The following PRDM16 variants were observed in gnomAD, a reference collection of about 807,000 sequenced individuals.
PRDM16 encodes the protein PR/SET domain 16, also known as histone-lysine N-methyltransferase PRDM16.
PRDM16 carries 23 observed loss-of-function variants against 110.6 expected under a neutral mutation model. The ratio of observed to expected loss-of-function variants is 0.21; its 90% CI spans 0.15 to 0.29. The LOEUF is 0.29. Ranked by LOEUF, PRDM16 falls within the 10% of genes least tolerant of loss-of-function variation. PRDM16 has a pLI of 1.00. For synonymous variants in PRDM16, 799 were observed against 781.8 expected (o/e 1.02, Z -0.37); for missense variants, 1,615 against 1,794.3 (o/e 0.90, Z 1.81).
intron 1 of PRDM16, among the ~76,000 whole-genome samples, chr1:3,181,118 AC>A (rs1644158894): frequency 7.5e-6 from 1 of 133,062 alleles, no homozygotes; most frequent in Non-Finnish European, 1.6e-5. Context: ...ACGCGGCCTT[AC>A]ACACGCAGTC....
rs548127219 is a variant in PRDM16 at position 3,200,989 on chromosome 1, G to C, written c.387+14515G>C. Among the ~76,000 whole-genome samples, 41 of 151,738 alleles carry C rather than the reference G, an allele frequency of 2.7e-4. 1 individual carries two copies. The East Asian group carries it at 5.9e-3, about 22-fold the overall frequency. On this transcript the variant is annotated intron_variant, in intron 2 of 16. Transcript: ENST00000270722. The stretch of plus-strand genomic sequence containing the variant: ...AGAAGAGGAGGAGGAAGAGGAGGGG[G>C]AGGAAGGGGAAGAGGAGGAGGACAG...
rs1369120443 is a variant in PRDM16, at chr1:3,181,822, GGTCTTACACATTCA to G, written c.38-4292_38-4279del. ...GTCTTACACACGGTCTTACACATGCGGTCTTACACATTCAGTCTTACACACGGTCTTACACACGC... is the reference window on the plus strand; with the variant it reads ...GTCTTACACACGGTCTTACACATGCGGTCTTACACACGGTCTTACACACGC... On this transcript the variant is annotated intron_variant, in intron 1 of 16. Transcript: ENST00000270722. Among the ~76,000 whole-genome samples, 216 of 66,604 alleles carry G rather than the reference GGTCTTACACATTCA, an allele frequency of 3.2e-3. 5 individuals carry two copies. The highest frequency in any genetic ancestry group is 5.8e-3 in the Non-Finnish European group (179 of 30,956). 43.7% of individuals were successfully genotyped at this position (66,604 alleles called of 152,430 possible).
At chr1:3,166,124 G>A (rs1280684025) in intron 1 of PRDM16, among the ~76,000 whole-genome samples, 1 of 152,232 alleles carries the variant, frequency 6.6e-6, no homozygotes, top group African/African-American at 2.4e-5. Context: ...ACCTCACCTT[G>A]CTTTCCGTTT....
At chr1:3,191,009 G>T in intron 2 of PRDM16, among the ~76,000 whole-genome samples, 1 of 152,076 alleles carries the variant, frequency 6.6e-6, no homozygotes, top group Non-Finnish European at 1.5e-5. Flanking sequence ...CCCAGGGGAG[G>T]CACTGGGGGC....
chr1:3,183,241 G>A (rs900240559), intron 1 of PRDM16, among the ~76,000 whole-genome samples: 4 of 152,142 alleles, frequency 2.6e-5, no homozygotes, highest in Non-Finnish European at 4.4e-5. Context: ...GCAGAGGGTC[G>A]GGCAGCCTCC....
intron 1 of PRDM16, among the ~76,000 whole-genome samples, chr1:3,176,062 ACCAT>A (rs1182676633): frequency 1.7e-4 from 4 of 23,808 alleles, no homozygotes; most frequent in Non-Finnish European, 3.0e-4. Flanking sequence ...CATCCATCCA[ACCAT>A]CCATCCATCC....
rs551268468 is a variant in PRDM16, at chr1:3,252,598, G to A, written c.438+8461G>A. Among the ~76,000 whole-genome samples, 7 of 152,278 alleles carry A rather than the reference G, an allele frequency of 4.6e-5. No homozygotes were observed. In the East Asian group the frequency reaches 7.7e-4, roughly 17 times the overall value. On this transcript the variant is annotated intron_variant, in intron 3 of 16. Coordinates refer to ENST00000270722, the MANE Select transcript of PRDM16 (RefSeq NM_022114.4). ...GAAGCCACCTGCTGTTAGAGAAAGC[G>A]CCTGCCCTGGGGGTGGGGCTGGTGG...
At chr1:3,104,783 C>G (rs1357048977) in intron 1 of PRDM16, among the ~76,000 whole-genome samples, 1 of 152,134 alleles carries the variant, frequency 6.6e-6, no homozygotes, top group Non-Finnish European at 1.5e-5. Flanking sequence ...CGTGGCCACC[C>G]CGCCCACAGA....
chr1:3,198,919 C>T (rs368768822), intron 2 of PRDM16, among the ~76,000 whole-genome samples: 1 of 152,224 alleles, frequency 6.6e-6, no homozygotes. Flanking sequence ...GGCTTATCAG[C>T]ACCGTAATTT....
At chr1:3,214,083 G>C (rs565303413) in intron 2 of PRDM16, among the ~76,000 whole-genome samples, 1 of 152,142 alleles carries the variant, frequency 6.6e-6, no homozygotes, top group African/African-American at 2.4e-5. Flanking sequence ...AGGACTGCCC[G>C]GGAGGCTCTG....
intron 3 of PRDM16, among the ~76,000 whole-genome samples, chr1:3,282,946 G>A (rs757653400): frequency 3.3e-5 from 5 of 152,334 alleles, no homozygotes; most frequent in South Asian, 2.1e-4. Flanking sequence ...GAGGAGGGGC[G>A]TCTCCCTTCC....
At chr1:3,091,917 T>C (rs1236402564) in intron 1 of PRDM16, among the ~76,000 whole-genome samples, 1 of 152,120 alleles carries the variant, frequency 6.6e-6, no homozygotes, top group Non-Finnish European at 1.5e-5. Context: ...TGCGAGAGAA[T>C]TCACATCGCA....
At chr1:3,127,585 G>A (rs2100675294) in intron 1 of PRDM16, among the ~76,000 whole-genome samples, 1 of 152,344 alleles carries the variant, frequency 6.6e-6, no homozygotes, top group African/African-American at 2.4e-5. Flanking sequence ...TTGGAAGACT[G>A]GCTGCTAAGC....
intron 3 of PRDM16, among the ~76,000 whole-genome samples, chr1:3,349,467 C>T (rs1038475728): frequency 2.0e-5 from 3 of 152,218 alleles, no homozygotes; most frequent in African/African-American, 7.2e-5. Context: ...CCCGTCTCCA[C>T]CCAGCACCCA....
At chr1:3,277,643 CACA>C (rs1640615297) in intron 3 of PRDM16, among the ~76,000 whole-genome samples, 1 of 152,244 alleles carries the variant, frequency 6.6e-6, no homozygotes. Context: ...GGGGACTGGG[CACA>C]ACGAGGCATT....
chr1:3,410,076 A>G (rs4648494), intron 8 of PRDM16, among the ~76,000 whole-genome samples: 82,116 of 139,354 alleles, frequency 0.59, 24,194 homozygotes, highest in African/African-American at 0.79. Flanking sequence ...GTGTATGTGC[A>G]TGTGTATGAA....
intron 1 of PRDM16, among the ~76,000 whole-genome samples, chr1:3,079,779 G>A (rs1269875397): frequency 6.6e-6 from 1 of 152,192 alleles, no homozygotes; most frequent in African/African-American, 2.4e-5. Context: ...ACGTGTGTGT[G>A]CTCTGTGTCT....
chr1:3,342,262 C>T (rs956066394), intron 3 of PRDM16, among the ~76,000 whole-genome samples: 2 of 152,242 alleles, frequency 1.3e-5, no homozygotes, highest in Non-Finnish European at 2.9e-5. Flanking sequence ...ACTCTCCCAA[C>T]TCCCAAAACA....
intron 6 of PRDM16, among the ~76,000 whole-genome samples, chr1:3,403,366 G>A (rs550749821): frequency 2.0e-5 from 3 of 152,240 alleles, no homozygotes; most frequent in Non-Finnish European, 4.4e-5. Flanking sequence ...ACCTGCAGCC[G>A]CTAAGCCCAA....
Sources: gnomAD v4.1 joint callset for allele counts (sites outside exome capture counted in the v4.1 genomes callset) on GRCh38, gnomAD v4.1.1 for gene constraint, MANE v1.5 for transcripts, NCBI Gene and HGNC (gene_info 2026-07-23, HGNC 2026-07-21) for gene names.